Variants in BCAS3 observed in about 807,000 individuals in gnomAD.
BCAS3 encodes the protein BCAS3 microtubule associated cell migration factor.
A neutral mutation model predicts 116.1 loss-of-function variants in BCAS3; 53 were observed. The ratio of observed to expected loss-of-function variants is 0.46; its 90% CI spans 0.37 to 0.57. BCAS3 has a LOEUF of 0.57. Ranked by LOEUF, BCAS3 falls within the 20% of genes least tolerant of loss-of-function variation. The probability of loss-of-function intolerance (pLI) is 0.00; values close to 1 mark genes in which losing one functional copy is unlikely to be tolerated. For synonymous variants in BCAS3, 391 were observed against 408.2 expected (o/e 0.96, Z 0.51); for missense variants, 917 against 1,165.4 (o/e 0.79, Z 3.10).
chr17:60,687,580 G>T (rs2034245330), intron 3 of BCAS3, among the ~76,000 whole-genome samples: 1 of 150,426 alleles, frequency 6.6e-6, no homozygotes, highest in Non-Finnish European at 1.5e-5. Flanking sequence ...CTCCAGCCGG[G>T]GTGACAGAAC....
At chr17:61,167,976 T>G (rs559666529) in intron 22 of BCAS3, among the ~76,000 whole-genome samples, 2 of 152,346 alleles carry the variant, frequency 1.3e-5, no homozygotes, top group East Asian at 3.9e-4. Context: ...TTGCTGTAAC[T>G]ATAGGTTTAC....
intron 19 of BCAS3, among the ~76,000 whole-genome samples, chr17:61,067,277 A>G (rs866194382): frequency 0.015 from 1,211 of 82,604 alleles, 15 homozygotes; most frequent in East Asian, 0.057. Flanking sequence ...GTATGTGTAT[A>G]TATATATATA....
intron 5 of BCAS3, among the ~76,000 whole-genome samples, chr17:60,722,892 C>G (rs1450257473): frequency 6.6e-6 from 1 of 151,946 alleles, no homozygotes; most frequent in Non-Finnish European, 1.5e-5. Context: ...TAGACCCTGT[C>G]TTGACCAAAA....
rs1444161705 is a variant in BCAS3, at chr17:61,041,785, ACT to A, written c.2029+896_2029+897del. 2.6e-5 allele frequency among the ~76,000 whole-genome samples: 4 copies of A among 151,864 alleles called. No individual in the cohort carries two copies. The highest frequency in any genetic ancestry group is 5.9e-5 in the Non-Finnish European group (4 of 67,928). ...ATAGACTTTGCTCTCAAGTTATGAA[ACT>A]CTATAACTGTAATCAATAGTTGGCA... On this transcript the variant is annotated intron_variant, in intron 19 of 23. Coordinates refer to ENST00000407086, the MANE Select transcript of BCAS3 (RefSeq NM_017679.5). This position sits in a 1 kb window ranked among gnomAD's most constrained non-coding sequence, Gnocchi z 4.7.
chr17:60,976,262 G>C (rs948373402), intron 14 of BCAS3, among the ~76,000 whole-genome samples: 3 of 151,074 alleles, frequency 2.0e-5, no homozygotes, highest in Non-Finnish European at 4.4e-5. Flanking sequence ...CTGACCTCGT[G>C]ATCCACCCGC....
At chr17:60,908,310 C>G (rs1052475936) in intron 11 of BCAS3, among the ~76,000 whole-genome samples, 1 of 152,134 alleles carries the variant, frequency 6.6e-6, no homozygotes, top group African/African-American at 2.4e-5. Context: ...TTACTTTCCA[C>G]TTTTTATGTG....
intron 22 of BCAS3, among the ~76,000 whole-genome samples, chr17:61,287,425 G>A (rs542203691): frequency 6.6e-6 from 1 of 150,948 alleles, no homozygotes; most frequent in Admixed American, 6.6e-5. Flanking sequence ...GCCACATGCT[G>A]TTCCAAGAAA....
intron 7 of BCAS3, among the ~76,000 whole-genome samples, chr17:60,814,746 T>C (rs1439353753): frequency 6.6e-6 from 1 of 152,188 alleles, no homozygotes; most frequent in Non-Finnish European, 1.5e-5. Flanking sequence ...TATTTTAGTA[T>C]TTTTTTCTTC....
intron 7 of BCAS3, among the ~76,000 whole-genome samples, chr17:60,832,899 G>A (rs1260672997): frequency 6.6e-6 from 1 of 152,174 alleles, no homozygotes; most frequent in East Asian, 1.9e-4. Flanking sequence ...GTCACAAAAG[G>A]TTTGGCCATG....
In BCAS3 at chr17:61,348,242, T is replaced by A. The variant is rs1392469864; in HGVS notation, c.2426-20085T>A. Among the ~76,000 whole-genome samples the A allele has an allele frequency of 6.6e-6, 1 of 152,142 alleles. No homozygotes were observed. The highest frequency in any genetic ancestry group is 1.9e-4 in the East Asian group (1 of 5,176). On this transcript the variant is annotated intron_variant, in intron 22 of 23. Transcript: ENST00000407086. This position sits in a 1 kb window ranked among gnomAD's most constrained non-coding sequence, Gnocchi z 4.5. ...GTTTGGGCCAATGAGAAGATGGTGT[T>A]GCCACCCACCTAAGTAGGGATAGAG...
At chr17:60,911,850 G>A (rs576703442) in intron 12 of BCAS3, among the ~76,000 whole-genome samples, 7 of 152,102 alleles carry the variant, frequency 4.6e-5, no homozygotes, top group Non-Finnish European at 1.0e-4. Context: ...TATAACAGAT[G>A]TTTTCTTATC....
chr17:61,270,058 G>T, intron 22 of BCAS3, among the ~76,000 whole-genome samples: 1 of 149,114 alleles, frequency 6.7e-6, no homozygotes, highest in South Asian at 2.1e-4. Context: ...ACCCACCTCA[G>T]CCTCCCAAAG....
At chr17:60,944,013 G>A (rs1245363067) in intron 13 of BCAS3, among the ~76,000 whole-genome samples, 1 of 151,922 alleles carries the variant, frequency 6.6e-6, no homozygotes, top group Non-Finnish European at 1.5e-5. Context: ...ACCTATATGT[G>A]CTTACTCCAG....
At chr17:60,913,418 G>A (rs9900518) in intron 12 of BCAS3, among the ~76,000 whole-genome samples, 1 of 151,842 alleles carries the variant, frequency 6.6e-6, no homozygotes, top group East Asian at 1.9e-4. Context: ...TATATAATTT[G>A]TAAAGCAACA....
intron 22 of BCAS3, among the ~76,000 whole-genome samples, chr17:61,272,054 C>T (rs1279122462): frequency 6.6e-6 from 1 of 152,054 alleles, no homozygotes; most frequent in East Asian, 1.9e-4. Flanking sequence ...AAGCAGTCCT[C>T]CCACCTGGGC....
At chr17:60,971,313 G>T (rs189260640) in intron 14 of BCAS3, among the ~76,000 whole-genome samples, 5 of 152,106 alleles carry the variant, frequency 3.3e-5, no homozygotes, top group Admixed American at 6.5e-5. Flanking sequence ...AGGAGGCGGC[G>T]AACTTTTTCT....
At chr17:60,807,198 A>C (rs1023537320) in intron 6 of BCAS3, among the ~76,000 whole-genome samples, 5 of 152,172 alleles carry the variant, frequency 3.3e-5, no homozygotes, top group African/African-American at 1.2e-4. Flanking sequence ...TTATACTGCC[A>C]AACTATTACT....
chr17:60,708,817 C>T (rs965910484), intron 4 of BCAS3, among the ~76,000 whole-genome samples: 1 of 152,100 alleles, frequency 6.6e-6, no homozygotes, highest in Non-Finnish European at 1.5e-5. Flanking sequence ...TGTGAGCCAC[C>T]GGGCCCAGCC....
intron 20 of BCAS3, 106 bp downstream of exon 20, chr17:61,075,126 G>A: frequency 3.7e-6 from 3 of 809,764 alleles, no homozygotes; most frequent in Admixed American, 5.6e-5. Context: ...ACTCTTTATT[G>A]GATTATCAAG....
Sources: gnomAD v4.1 joint callset for allele counts (sites outside exome capture counted in the v4.1 genomes callset) on GRCh38, gnomAD v4.1.1 for gene constraint, Gnocchi (gnomAD v3.1) non-coding constraint, MANE v1.5 for transcripts, NCBI Gene and HGNC (gene_info 2026-07-23, HGNC 2026-07-21) for gene names.